CAV3: variants seen among roughly 807,000 people sequenced by gnomAD.
CAV3 encodes caveolin-3.
Under a neutral mutation model 13.4 loss-of-function variants are expected in CAV3, and 10 were observed. The ratio of observed to expected loss-of-function variants is 0.75; its 90% CI spans 0.46 to 1.27. CAV3 has a LOEUF of 1.27. Among genes scored for constraint, CAV3 ranks in the 50% most tolerant of loss-of-function variants. CAV3 has a pLI of 0.00. For synonymous variants in CAV3, 90 were observed against 79.0 expected, an observed-to-expected ratio of 1.14 and a Z score of -0.74; for missense variants, 162 against 194.0, an observed-to-expected ratio of 0.83 and a Z score of 0.98.
chr3:8,738,378 T>C (rs1707835076), intron 1 of CAV3, among the ~76,000 whole-genome samples: 1 of 152,200 alleles, frequency 6.6e-6, no homozygotes, highest in Non-Finnish European at 1.5e-5. Flanking sequence ...CCACCAGCCC[T>C]ACAAACACTT....
intron 1 of CAV3, among the ~76,000 whole-genome samples, chr3:8,740,309 G>A (rs567116772): frequency 6.6e-6 from 1 of 152,120 alleles, no homozygotes; most frequent in South Asian, 2.1e-4. Context: ...ACTACCTGAG[G>A]ACAAACACCG....
chr3:8,742,869 A>T (rs1013657410), intron 1 of CAV3, among the ~76,000 whole-genome samples: 1 of 152,204 alleles, frequency 6.6e-6, no homozygotes, highest in Non-Finnish European at 1.5e-5. Flanking sequence ...CTATAAAGGA[A>T]TACCTGAGAC....
chr3:8,744,054 C>G (rs1708062605), intron 1 of CAV3, among the ~76,000 whole-genome samples: 1 of 152,180 alleles, frequency 6.6e-6, no homozygotes, highest in Non-Finnish European at 1.5e-5. Context: ...GGCCACCACA[C>G]AGGCCCCTCC....
chr3:8,743,895 G>A (rs1289692439), intron 1 of CAV3, among the ~76,000 whole-genome samples: 2 of 152,050 alleles, frequency 1.3e-5, no homozygotes, highest in Non-Finnish European at 2.9e-5. Context: ...TTTCTATTCT[G>A]TTAATTCTCT....
At chr3:8,742,243 C>T (rs1244181955) in intron 1 of CAV3, among the ~76,000 whole-genome samples, 1 of 151,986 alleles carries the variant, frequency 6.6e-6, no homozygotes, top group East Asian at 1.9e-4. Context: ...CAGCCCAGCC[C>T]TCTGAGAGCA....
chr3:8,734,081 A>G (rs902230670), intron 1 of CAV3, 91 bp downstream of exon 1: 1 of 747,232 alleles, frequency 1.3e-6, no homozygotes, highest in Non-Finnish European at 2.4e-6. Context: ...CTGCAGACAC[A>G]GTTTCCCTGA....
intron 1 of CAV3, among the ~76,000 whole-genome samples, chr3:8,742,828 T>A (rs1708023038): frequency 6.6e-6 from 1 of 152,150 alleles, no homozygotes; most frequent in African/African-American, 2.4e-5. Flanking sequence ...AATGAGTGGA[T>A]AGATGGTGAG....
intron 1 of CAV3, among the ~76,000 whole-genome samples, chr3:8,738,038 T>TTC (rs71634725): frequency 2.7e-4 from 34 of 127,318 alleles, no homozygotes; most frequent in African/African-American, 6.2e-4. Flanking sequence ...CTCCTCTGTC[T>TTC]TCTCTCTCTC....
chr3:8,733,923 A>G lies in CAV3; in HGVS notation c.47A>G (p.Asp16Gly). The change falls in exon 1 of 2, where the codon GAT becomes GGT. Residue 16 changes from aspartate to glycine, a missense_variant. Asp to Gly is a moderately conservative substitution (Grantham distance 94). Coordinates refer to ENST00000343849, the MANE Select transcript of CAV3 (RefSeq NM_033337.3). ...GATCTCGAGGCCCAGATCGTCAAGG[A>G]TATCCACTGCAAGGAGATTGACCTG... ...HTDLEAQIVK[D>G]IHCKEIDLVN... is the part of the protein sequence containing the mutation. The G allele has an allele frequency of 6.2e-7, 1 of 1,613,614 alleles. No homozygotes were observed.
At chr3:8,742,785 G>A (rs1042953561) in intron 1 of CAV3, among the ~76,000 whole-genome samples, 27 of 152,216 alleles carry the variant, frequency 1.8e-4, no homozygotes, top group African/African-American at 6.5e-4. Context: ...GATGATAGAT[G>A]AGCAGGCAGA....
At position 8,733,978 on chromosome 3, in the gene CAV3, G is replaced by C; in HGVS notation, c.102G>C (p.Glu34Asp). 6.2e-7 allele frequency: 1 copy of C among 1,600,936 alleles called. No individual in the cohort carries two copies. Among genetic ancestry groups the C allele is most frequent in the Non-Finnish European group, 8.6e-7 (1 of 1,168,418 alleles). Residue 34 changes from glutamate to aspartate, a missense_variant, in exon 1 of 2, where the codon GAG (glutamate) becomes GAC (aspartate). By Grantham distance (45) the Glu-to-Asp change is conservative (BLOSUM62 2). Transcript: ENST00000343849. Reference sequence around the variant, plus strand: ...ACCGAGACCCCAAGAACATTAACGAGGACATAGTCAAGGTAGGCTCTGCAG... The same window carrying C: ...ACCGAGACCCCAAGAACATTAACGACGACATAGTCAAGGTAGGCTCTGCAG... Reference protein sequence around the residue: ...LVNRDPKNINEDIVKVDFEDV... With the variant: ...LVNRDPKNINDDIVKVDFEDV...
chr3:8,734,089 T>C lies in CAV3; in HGVS notation c.114+99T>C, dbSNP rs4686299. On this transcript the variant is annotated intron_variant, in intron 1 of 1. Transcript: ENST00000343849. ...GTATCTGCTGCAGACACAGTTTCCC[T>C]GAAAAGAGACTTGTTGCTCTGTTGT... is the stretch of plus-strand genomic sequence containing the variant. 5 of 731,804 alleles carry C rather than the reference T, an allele frequency of 6.8e-6. No homozygotes were observed. Among genetic ancestry groups the C allele is most frequent in the Admixed American group, 4.0e-5 (2 of 50,100 alleles). 45.3% of individuals were successfully genotyped at this position (731,804 alleles called of 1,614,324 possible).
intron 1 of CAV3, 142 bp downstream of exon 1, chr3:8,734,132 A>AACCCC: frequency 3.3e-6 from 2 of 604,542 alleles, no homozygotes; most frequent in East Asian, 3.1e-5. Context: ...TCACCCCCCC[A>AACCCC]ACCCCACCCC....
chr3:8,742,170 C>T (rs1243260088), intron 1 of CAV3, among the ~76,000 whole-genome samples: 2 of 152,122 alleles, frequency 1.3e-5, no homozygotes, highest in Non-Finnish European at 2.9e-5. Flanking sequence ...AACTAGCATG[C>T]TGTGGCCAAA....
At chr3:8,740,296 G>A (rs2124982712) in intron 1 of CAV3, among the ~76,000 whole-genome samples, 1 of 152,232 alleles carries the variant, frequency 6.6e-6, no homozygotes, top group Middle Eastern at 3.4e-3. Context: ...AAGATGGGAT[G>A]AGACTACCTG....
At chr3:8,737,388 G>A (rs1375802764) in intron 1 of CAV3, among the ~76,000 whole-genome samples, 1 of 152,104 alleles carries the variant, frequency 6.6e-6, no homozygotes, top group Non-Finnish European at 1.5e-5. Flanking sequence ...AGTCACGGCC[G>A]TTTCACATTT....
chr3:8,744,835 A>G (rs1350337632), intron 1 of CAV3: 1 of 152,486 alleles, frequency 6.6e-6, no homozygotes, highest in African/African-American at 2.4e-5. Flanking sequence ...TGTTGGCTTT[A>G]AGCAAGTCGC....
intron 1 of CAV3, among the ~76,000 whole-genome samples, chr3:8,736,023 A>T (rs1191867431): frequency 2.0e-5 from 3 of 152,250 alleles, no homozygotes; most frequent in African/African-American, 7.2e-5. Context: ...GTGAAAGCTG[A>T]AATGAGGAAA....
intron 1 of CAV3, chr3:8,742,442 G>GT (rs1708003519): frequency 6.7e-6 from 3 of 449,160 alleles, no homozygotes; most frequent in Middle Eastern, 3.3e-4. Context: ...GATTATTACT[G>GT]TAAGTACTGT....
Sources: gnomAD v4.1 joint callset for allele counts (sites outside exome capture counted in the v4.1 genomes callset) on GRCh38, gnomAD v4.1.1 for gene constraint, MANE v1.5 for transcripts, NCBI Gene and HGNC (gene_info 2026-07-23, HGNC 2026-07-21) for gene names.